MYO5B: variants seen among roughly 807,000 people sequenced by gnomAD.
MYO5B encodes myosin VB.
Under a neutral mutation model 229.3 loss-of-function variants are expected in MYO5B, and 143 were observed. That is an observed-to-expected ratio of 0.62 (90% CI 0.54 to 0.72). MYO5B has a LOEUF of 0.72. Ranked by LOEUF, MYO5B falls within the 30% of genes least tolerant of loss-of-function variation. MYO5B has a pLI of 0.00. For synonymous variants in MYO5B, 918 were observed against 885.2 expected (o/e 1.04, Z -0.66); for missense variants, 2,321 against 2,331.0 (o/e 1.00, Z 0.09).
At chr18:49,980,608 A>C in intron 8 of MYO5B, 55 bp from the exon 9 acceptor site, 1 of 1,298,736 alleles carries the variant, frequency 7.7e-7, no homozygotes, top group East Asian at 2.3e-5. Context: ...GACAGAAAGG[A>C]CATTTTACCC....
intron 37 of MYO5B, 86 bp from the exon 38 acceptor site, chr18:49,836,971 G>GGGC: frequency 1.6e-6 from 2 of 1,276,314 alleles, no homozygotes; most frequent in Non-Finnish European, 2.2e-6. Context: ...TTGCAGGCCC[G>GGGC]CTGCAGCTAG....
chr18:49,888,462 T>C (rs2024671233), intron 22 of MYO5B, among the ~76,000 whole-genome samples: 1 of 152,114 alleles, frequency 6.6e-6, no homozygotes, highest in Non-Finnish European at 1.5e-5. Context: ...CTCAGGCAGC[T>C]GAGGGCCATT....
intron 14 of MYO5B, among the ~76,000 whole-genome samples, chr18:49,939,148 C>CTTTTATT (rs1908025181): frequency 8.4e-6 from 1 of 119,046 alleles, no homozygotes; most frequent in Non-Finnish European, 1.6e-5. Context: ...TCTTTTTTTT[C>CTTTTATT]TTTTTTTTTT....
chr18:49,919,795 T>C (rs1369243531), intron 17 of MYO5B, among the ~76,000 whole-genome samples: 1 of 152,194 alleles, frequency 6.6e-6, no homozygotes, highest in African/African-American at 2.4e-5. Context: ...TGTTACCATA[T>C]GACACAACAA....
intron 1 of MYO5B, among the ~76,000 whole-genome samples, chr18:50,138,072 C>A (rs2032362147): frequency 6.6e-6 from 1 of 152,070 alleles, no homozygotes; most frequent in Non-Finnish European, 1.5e-5. Flanking sequence ...GTACAATAAA[C>A]CCCTGTGACA....
At chr18:50,136,364 C>CT (rs11426659) in intron 1 of MYO5B, among the ~76,000 whole-genome samples, 98,439 of 131,742 alleles carry the variant, frequency 0.75, 36,943 homozygotes, top group Admixed American at 0.8. Context: ...TTTTTTTTTA[C>CT]TTTTTTTTTT....
intron 1 of MYO5B, among the ~76,000 whole-genome samples, chr18:50,105,835 G>A (rs1032929955): frequency 2.0e-5 from 3 of 151,992 alleles, no homozygotes; most frequent in Admixed American, 6.6e-5. Context: ...TCACTCCTAT[G>A]AGCACCACTA....
Position 49,853,505 on chromosome 18 carries a change from C to A in MYO5B, c.4165G>T (p.Ala1389Ser). The A allele has an allele frequency of 6.2e-7, 1 of 1,614,202 alleles. No homozygotes were observed. The highest frequency in any genetic ancestry group is 8.5e-7 in the Non-Finnish European group (1 of 1,180,036). ...FCQTLLLSPE[A>S]QVEFGVQQEI... ...TGCTGAACGCCGAATTCCACCTGGGCCTCTGGGGAGAGCAGTAGCGTCTGG... is the reference window on the plus strand; with the variant it reads ...TGCTGAACGCCGAATTCCACCTGGGACTCTGGGGAGAGCAGTAGCGTCTGG... Residue 1389 changes from alanine to serine, a missense_variant, in exon 31 of 40, where the codon GCC becomes TCC. Ala to Ser is a moderately conservative substitution (Grantham distance 99). This residue lies in a region of MYO5B where 2,113 missense variants were observed against 2,044.7 expected (regional missense o/e 1.03). Transcript: ENST00000285039.
chr18:49,935,668 A>T (rs1490708874), intron 16 of MYO5B, among the ~76,000 whole-genome samples: 1 of 152,250 alleles, frequency 6.6e-6, no homozygotes, highest in Non-Finnish European at 1.5e-5. Context: ...GATCATTAAG[A>T]GTTCTACAGA....
chr18:49,957,970 T>A (rs1288259499), intron 12 of MYO5B, among the ~76,000 whole-genome samples: 4 of 152,142 alleles, frequency 2.6e-5, no homozygotes, highest in Non-Finnish European at 1.5e-5. Flanking sequence ...CTCTCTAGAA[T>A]GGAGGCAGCT....
intron 14 of MYO5B, among the ~76,000 whole-genome samples, chr18:49,944,265 C>T (rs572082093): frequency 3.7e-4 from 57 of 152,226 alleles, no homozygotes; most frequent in African/African-American, 1.3e-3. Context: ...CAGAGCTGTA[C>T]GTAGCATAGT....
At chr18:50,036,716 G>A in intron 4 of MYO5B, 134 bp downstream of exon 4, 1 of 1,037,084 alleles carries the variant, frequency 9.6e-7, no homozygotes, top group Non-Finnish European at 1.5e-6. Context: ...AACTTGGGCT[G>A]CTTTGTTTCC....
chr18:50,047,393 C>T (rs918104488), intron 2 of MYO5B, among the ~76,000 whole-genome samples: 28 of 152,246 alleles, frequency 1.8e-4, no homozygotes, highest in African/African-American at 6.0e-4. Flanking sequence ...CAATGAGATA[C>T]CATCTCACAC....
intron 1 of MYO5B, among the ~76,000 whole-genome samples, chr18:50,075,913 T>C (rs1309461087): frequency 6.6e-6 from 1 of 152,174 alleles, no homozygotes; most frequent in Non-Finnish European, 1.5e-5. Flanking sequence ...TAAATGCACA[T>C]CAGAGGCCAG....
Position 49,825,177 on chromosome 18 carries a change from A to T in MYO5B, c.*1294T>A, listed in dbSNP as rs1346777131. On this transcript the variant is annotated 3_prime_UTR_variant, in exon 40 of 40. Transcript: ENST00000285039. ...TATCAAGAAATACAGAAAAGACAGTAAAAAAAAGTGTGGAAAGAATATGGG... is the reference window on the plus strand; with the variant it reads ...TATCAAGAAATACAGAAAAGACAGTTAAAAAAAGTGTGGAAAGAATATGGG... 6.6e-6 allele frequency: 1 copy of T among 152,064 alleles called. No homozygotes were observed. Among genetic ancestry groups the T allele is most frequent in the African/African-American group, 2.4e-5 (1 of 41,416 alleles). 9.4% of individuals were successfully genotyped at this position (152,064 alleles called of 1,614,324 possible).
intron 11 of MYO5B, 24 bp from the exon 12 acceptor site, chr18:49,962,430 C>G: frequency 6.2e-7 from 1 of 1,614,046 alleles, no homozygotes; most frequent in Non-Finnish European, 8.5e-7. Flanking sequence ...AAAGGTCACA[C>G]GAGTGAACTG....
At chr18:49,959,508 G>A (rs554355960) in intron 12 of MYO5B, among the ~76,000 whole-genome samples, 119 of 152,274 alleles carry the variant, frequency 7.8e-4, no homozygotes, top group South Asian at 2.7e-3. Context: ...GGAAACAGGG[G>A]GCGGGGGACA....
intron 2 of MYO5B, among the ~76,000 whole-genome samples, chr18:50,046,716 AC>A (rs2030237424): frequency 6.6e-6 from 1 of 152,218 alleles, no homozygotes. Flanking sequence ...TATGTCCTAG[AC>A]AAGCACAAAA....
intron 22 of MYO5B, 48 bp from the exon 23 acceptor site, chr18:49,880,503 G>A (rs2144107919): frequency 7.0e-7 from 1 of 1,432,094 alleles, no homozygotes; most frequent in Non-Finnish European, 9.9e-7. Context: ...CTGGGAAGAG[G>A]AGAGGCTCCT....
Sources: allele counts gnomAD v4.1 joint callset (sites outside exome capture counted in the v4.1 genomes callset), GRCh38; gene constraint gnomAD v4.1.1; regional missense constraint gnomAD v4.1.1; transcripts MANE v1.5; gene names NCBI Gene and HGNC (gene_info 2026-07-23, HGNC 2026-07-21).